TTC28: variants seen among roughly 807,000 people sequenced by gnomAD.
TTC28 encodes tetratricopeptide repeat domain 28.
In TTC28, 61 loss-of-function variants were observed where a neutral mutation model predicts 198.0. The ratio of observed to expected loss-of-function variants is 0.31; its 90% CI spans 0.25 to 0.38. TTC28 has a LOEUF of 0.38. Ranked by LOEUF, TTC28 falls within the 10% of genes least tolerant of loss-of-function variation. TTC28 has a pLI of 1.00. For synonymous variants in TTC28, 1,171 were observed against 1,297.8 expected (o/e 0.90, Z 2.10); for missense variants, 2,678 against 3,164.0 (o/e 0.85, Z 3.69).
At chr22:28,391,082 A>C (rs906344135) in intron 2 of TTC28, among the ~76,000 whole-genome samples, 3 of 151,932 alleles carry the variant, frequency 2.0e-5, no homozygotes, top group African/African-American at 7.3e-5. Flanking sequence ...AAAGGATTTT[A>C]TTTCTCCTTC....
chr22:28,670,475 T>A (rs1473732799), intron 1 of TTC28, among the ~76,000 whole-genome samples: 1 of 152,164 alleles, frequency 6.6e-6, no homozygotes, highest in African/African-American at 2.4e-5. Flanking sequence ...CTTAGAATGT[T>A]TTCAAGGTTC....
At chr22:27,996,493 CCTG>C in intron 16 of TTC28, 1 of 546,498 alleles carries the variant, frequency 1.8e-6, no homozygotes, top group Non-Finnish European at 3.1e-6. Flanking sequence ...GTTAGTGGGG[CCTG>C]CTATTTTGCA....
chr22:28,081,110 T>C (rs926154243), intron 12 of TTC28, among the ~76,000 whole-genome samples: 2 of 150,674 alleles, frequency 1.3e-5, no homozygotes, highest in African/African-American at 4.9e-5. Context: ...TATGTACATA[T>C]ATATTTATAT....
intron 1 of TTC28, among the ~76,000 whole-genome samples, chr22:28,663,590 G>C (rs1217713028): frequency 8.2e-6 from 1 of 121,722 alleles, no homozygotes; most frequent in Non-Finnish European, 1.7e-5. Context: ...TTTTCAGACC[G>C]GCTTAAGAAA....
intron 5 of TTC28, among the ~76,000 whole-genome samples, chr22:28,265,010 T>C (rs1183680553): frequency 1.3e-5 from 2 of 152,176 alleles, no homozygotes; most frequent in African/African-American, 4.8e-5. Context: ...ATCTACTTTA[T>C]ACAAGAATTC....
At chr22:28,030,431 C>A in intron 12 of TTC28, 65 bp from the exon 13 acceptor site, 1 of 1,537,134 alleles carries the variant, frequency 6.5e-7, no homozygotes, top group Non-Finnish European at 8.8e-7. Flanking sequence ...GAAGTCAGCT[C>A]TGAGGTCCTA....
chr22:28,579,387 G>A (rs1033406666), intron 2 of TTC28, among the ~76,000 whole-genome samples: 2 of 148,018 alleles, frequency 1.4e-5, no homozygotes, highest in Non-Finnish European at 3.0e-5. Context: ...AGTATACATA[G>A]CTATATACAT....
chr22:28,326,850 G>C (rs1952407884), intron 2 of TTC28, among the ~76,000 whole-genome samples: 1 of 152,084 alleles, frequency 6.6e-6, no homozygotes. Flanking sequence ...CAAGCAATAA[G>C]TATATAAAGA....
At chr22:28,542,054 A>T (rs2049424424) in intron 2 of TTC28, among the ~76,000 whole-genome samples, 2 of 152,132 alleles carry the variant, frequency 1.3e-5, no homozygotes, top group Non-Finnish European at 2.9e-5. Context: ...ATGCCACTGC[A>T]CTCCAGCCTG....
intron 2 of TTC28, among the ~76,000 whole-genome samples, chr22:28,523,988 G>A (rs528273219): frequency 1.7e-4 from 26 of 149,396 alleles, no homozygotes; most frequent in Admixed American, 1.0e-3. Flanking sequence ...TTTTTCTTCC[G>A]CCCCCTTAAA....
At chr22:28,043,199 C>T (rs1056280266) in intron 12 of TTC28, among the ~76,000 whole-genome samples, 16 of 125,504 alleles carry the variant, frequency 1.3e-4, no homozygotes, top group African/African-American at 4.3e-4. Flanking sequence ...GCCAAGATCA[C>T]GCCACTGCAC....
intron 5 of TTC28, among the ~76,000 whole-genome samples, chr22:28,253,229 T>C (rs1300179812): frequency 1.3e-5 from 2 of 152,152 alleles, no homozygotes; most frequent in Admixed American, 1.3e-4. Context: ...ATGAAAACAA[T>C]TGTTCAGACT....
Position 27,979,068 on chromosome 22 carries a change from C to G in TTC28, c.*3153G>C, listed in dbSNP as rs1936934677. 6.6e-6 allele frequency: 1 copy of G among 152,248 alleles called. No homozygotes were observed. Among genetic ancestry groups the G allele is most frequent in the Non-Finnish European group, 1.5e-5 (1 of 68,066 alleles). The allele number at this position is 152,248 out of a possible 1,614,324, so 9.4% of individuals were successfully genotyped here. A position where few individuals can be genotyped will look rare whatever the true frequency, so the allele number is the denominator to read the frequency against. ...TTCCATCCACGTGGCCCTCACATAC[C>G]CTGGGCTCCCCGGACGCCAGTCAGT... is the stretch of plus-strand genomic sequence containing the variant. On this transcript the variant is annotated 3_prime_UTR_variant, in exon 23 of 23. Transcript: ENST00000397906.
intron 1 of TTC28, among the ~76,000 whole-genome samples, chr22:28,638,173 C>T (rs1242382680): frequency 6.6e-6 from 1 of 152,084 alleles, no homozygotes; most frequent in Non-Finnish European, 1.5e-5. Flanking sequence ...CAGAATACAT[C>T]AGACTTGAAC....
chr22:28,148,569 C>A (rs988576108), intron 6 of TTC28, among the ~76,000 whole-genome samples: 2 of 149,440 alleles, frequency 1.3e-5, no homozygotes, highest in African/African-American at 5.0e-5. Flanking sequence ...GCCAAGATTG[C>A]GTCACTGCAC....
chr22:28,139,946 C>A (rs915695831), intron 6 of TTC28, among the ~76,000 whole-genome samples: 3 of 152,154 alleles, frequency 2.0e-5, no homozygotes, highest in Non-Finnish European at 4.4e-5. Context: ...CACATAATTT[C>A]TGTAGAAAGA....
At chr22:28,165,857 T>C (rs186715039) in intron 5 of TTC28, among the ~76,000 whole-genome samples, 7 of 152,324 alleles carry the variant, frequency 4.6e-5, no homozygotes, top group African/African-American at 1.7e-4. Flanking sequence ...ATGGGCTAAA[T>C]GCTCCAATTA....
chr22:27,988,785 G>A (rs1569068948), intron 21 of TTC28, among the ~76,000 whole-genome samples: 3 of 151,492 alleles, frequency 2.0e-5, no homozygotes, highest in African/African-American at 7.3e-5. Flanking sequence ...CTGTTCCCTC[G>A]GCCTGGCACT....
rs1937465123 is a variant in TTC28 at position 27,992,863 on chromosome 22, A to T, written c.5477-200T>A. The T allele has an allele frequency of 1.3e-5, 8 of 614,590 alleles. No homozygotes were observed. The Middle Eastern group carries it at 1.7e-3, about 130-fold the overall frequency. 38.1% of individuals were successfully genotyped at this position (614,590 alleles called of 1,614,324 possible). The stretch of plus-strand genomic sequence containing the variant: ...CAGGAAGGTGGGTGGAAGTGGGTTG[A>T]GTCCTGACCCTGCCGCAGTCCTCTA... On this transcript the variant is annotated intron_variant, in intron 18 of 22. Coordinates refer to ENST00000397906, the MANE Select transcript of TTC28 (RefSeq NM_001145418.2).
Sources: gnomAD v4.1 joint callset for allele counts (sites outside exome capture counted in the v4.1 genomes callset) on GRCh38, gnomAD v4.1.1 for gene constraint, MANE v1.5 for transcripts, NCBI Gene and HGNC (gene_info 2026-07-23, HGNC 2026-07-21) for gene names.